Variants in HYDIN observed in about 807,000 individuals in gnomAD.
HYDIN encodes the protein HYDIN axonemal central pair apparatus protein, also known as axonemal central pair apparatus protein HYDIN.
Under a neutral mutation model 403.9 loss-of-function variants are expected in HYDIN, and 132 were observed. That is an observed-to-expected ratio of 0.33 (90% CI 0.28 to 0.38). The LOEUF (loss-of-function observed/expected upper bound fraction) is 0.38. Ranked by LOEUF, HYDIN falls within the 10% of genes least tolerant of loss-of-function variation. The pLI is 1.00. For synonymous variants in HYDIN, 1,202 were observed against 1,891.7 expected (o/e 0.64, Z 9.46); for missense variants, 2,827 against 5,009.5 (o/e 0.56, Z 13.15).
chr16:71,204,560 AAATGTCAAATGT>A (rs1313155897), intron 1 of HYDIN, among the ~76,000 whole-genome samples: 1 of 152,206 alleles, frequency 6.6e-6, no homozygotes, highest in Non-Finnish European at 1.5e-5. Flanking sequence ...CCTTTTATTA[AAATGTCAAATGT>A]AATTCTTTTA....
At chr16:70,925,596 C>A (rs2077128469) in intron 45 of HYDIN, among the ~76,000 whole-genome samples, 1 of 152,016 alleles carries the variant, frequency 6.6e-6, no homozygotes. Context: ...CAACAAAAGA[C>A]AAAATTGACA....
chr16:71,223,684 A>T (rs2144765983), intron 1 of HYDIN, among the ~76,000 whole-genome samples: 1 of 152,296 alleles, frequency 6.6e-6, no homozygotes, highest in African/African-American at 2.4e-5. Context: ...ATGAAGAGAC[A>T]TTTCTCAAAA....
Position 70,853,296 on chromosome 16 carries a change from T to C in HYDIN, c.12443+1832A>G, listed in dbSNP as rs188628976. Among the ~76,000 whole-genome samples the C allele has an allele frequency of 3.7e-4, 57 of 152,310 alleles. 1 individual carries two copies. The highest frequency in any genetic ancestry group is 1.3e-3 in the African/African-American group (56 of 41,568). On this transcript the variant is annotated intron_variant, in intron 73 of 85. Coordinates refer to ENST00000393567, the MANE Select transcript of HYDIN (RefSeq NM_001270974.2). ...ATGGTTCAGCCAGTCTGGAAAGCATTTTCACCGTTTTTTTTCTTTTTTTTT... is the reference window on the plus strand; with the variant it reads ...ATGGTTCAGCCAGTCTGGAAAGCATCTTCACCGTTTTTTTTCTTTTTTTTT...
intron 45 of HYDIN, among the ~76,000 whole-genome samples, chr16:70,921,847 A>G (rs995623633): frequency 6.6e-6 from 1 of 152,184 alleles, no homozygotes; most frequent in Non-Finnish European, 1.5e-5. Flanking sequence ...AGGCTTTTAA[A>G]ATATGTATTT....
At chr16:70,841,858 T>C (rs553847131) in intron 75 of HYDIN, among the ~76,000 whole-genome samples, 105 of 150,798 alleles carry the variant, frequency 7.0e-4, no homozygotes, top group Admixed American at 1.8e-3. Flanking sequence ...TCCAGAACCA[T>C]GAGCCGAAAC....
In HYDIN at chr16:71,064,801, C is replaced by T; in HGVS notation, c.2115G>A (p.Val705=). ...VPALHLVNTE[V]DFGHCFLKYP... Reference sequence around the variant, plus strand: ...ACTTCAGGAAGCAGTGCCCAAAGTCCACCTCTGTATTGACCAGGTGGAGGG... The same window carrying T: ...ACTTCAGGAAGCAGTGCCCAAAGTCTACCTCTGTATTGACCAGGTGGAGGG... Residue 705 remains valine (V), a synonymous_variant, in exon 16 of 86, where the codon GTG becomes GTA. Coordinates refer to ENST00000393567, the MANE Select transcript of HYDIN (RefSeq NM_001270974.2). The T allele has an allele frequency of 6.8e-6, 11 of 1,613,146 alleles. No homozygotes were observed. Among genetic ancestry groups the T allele is most frequent in the South Asian group, 1.1e-5 (1 of 90,786 alleles).
chr16:71,161,684 A>G (rs1045809817), intron 6 of HYDIN, among the ~76,000 whole-genome samples: 1 of 151,948 alleles, frequency 6.6e-6, no homozygotes, highest in African/African-American at 2.4e-5. Context: ...CATCCAGTGA[A>G]TCCAGGATTA....
chr16:71,001,853 C>T (rs1002444396), intron 23 of HYDIN, among the ~76,000 whole-genome samples: 7 of 152,046 alleles, frequency 4.6e-5, no homozygotes. Context: ...GGAGGAAATG[C>T]TGGTGGAAAC....
intron 39 of HYDIN, among the ~76,000 whole-genome samples, chr16:70,958,358 T>C (rs1196823957): frequency 6.6e-6 from 1 of 152,236 alleles, no homozygotes; most frequent in Non-Finnish European, 1.5e-5. Flanking sequence ...GTTATTACTG[T>C]AGTTCACACT....
At chr16:71,181,104 A>G (rs1408483903) in intron 3 of HYDIN, among the ~76,000 whole-genome samples, 1 of 151,968 alleles carries the variant, frequency 6.6e-6, no homozygotes, top group Admixed American at 6.6e-5. Flanking sequence ...ACCTAACTGA[A>G]TGCAGGAATA....
At chr16:70,926,469 G>T (rs1007765371) in intron 45 of HYDIN, among the ~76,000 whole-genome samples, 48 of 152,044 alleles carry the variant, frequency 3.2e-4, no homozygotes, top group African/African-American at 8.9e-4. Flanking sequence ...TGTGGGGTGG[G>T]GGGAGAGGGG....
chr16:71,057,709 C>G (rs937256750), intron 18 of HYDIN, among the ~76,000 whole-genome samples: 76 of 150,982 alleles, frequency 5.0e-4, no homozygotes, highest in Middle Eastern at 6.8e-3. Context: ...TGACAAAGGG[C>G]TAATATCCAG....
chr16:71,134,518 G>T (rs2084839859), intron 8 of HYDIN, among the ~76,000 whole-genome samples: 1 of 152,218 alleles, frequency 6.6e-6, no homozygotes, highest in Admixed American at 6.5e-5. Flanking sequence ...TCTCGCTGCT[G>T]CTTTTCAGGG....
intron 1 of HYDIN, among the ~76,000 whole-genome samples, chr16:71,193,485 A>G (rs185171433): frequency 6.6e-6 from 1 of 152,202 alleles, no homozygotes; most frequent in Non-Finnish European, 1.5e-5. Flanking sequence ...TTTGCCATTA[A>G]AGCTCTGTCT....
At chr16:71,178,334 G>C (rs1053451863) in intron 4 of HYDIN, among the ~76,000 whole-genome samples, 1 of 150,466 alleles carries the variant, frequency 6.6e-6, no homozygotes, top group Non-Finnish European at 1.5e-5. Context: ...CAGGAGAATC[G>C]CTTGAACCCA....
At chr16:71,017,529 ATT>A (rs766689499) in intron 23 of HYDIN, among the ~76,000 whole-genome samples, 63 of 152,082 alleles carry the variant, frequency 4.1e-4, no homozygotes, top group Non-Finnish European at 7.4e-4. Context: ...TAAATTACTC[ATT>A]CTCAGGCAGT....
At chr16:70,982,142 G>A (rs201441785) in intron 28 of HYDIN, among the ~76,000 whole-genome samples, 142 of 131,458 alleles carry the variant, frequency 1.1e-3, no homozygotes, top group African/African-American at 9.4e-4. Context: ...AAAAAAAAAA[G>A]AAAAAAAAAA....
chr16:71,062,386 C>T (rs947519585), intron 16 of HYDIN, 53 bp from the exon 17 acceptor site: 14 of 1,422,304 alleles, frequency 9.8e-6, no homozygotes, highest in South Asian at 3.9e-5. Context: ...GAACAAATAG[C>T]GTATTTGCTT....
Position 70,977,877 on chromosome 16 carries a change from G to T in HYDIN, c.4638+1037C>A, listed in dbSNP as rs529209872. ...GGCCACCCCTCTCCCCCACTCAGAT[G>T]CTGGGGTATTTTGGGGCTACATTCT... On this transcript the variant is annotated intron_variant, in intron 30 of 85. Coordinates refer to ENST00000393567, the MANE Select transcript of HYDIN (RefSeq NM_001270974.2). Among the ~76,000 whole-genome samples, 57 of 151,962 alleles carry T rather than the reference G, an allele frequency of 3.8e-4. No homozygotes were observed. In the South Asian group the frequency reaches 0.011, roughly 29 times the overall value.
Sources: gnomAD v4.1 joint callset for allele counts (sites outside exome capture counted in the v4.1 genomes callset) on GRCh38, gnomAD v4.1.1 for gene constraint, MANE v1.5 for transcripts, NCBI Gene and HGNC (gene_info 2026-07-23, HGNC 2026-07-21) for gene names.